The following ZBTB20 variants were observed in gnomAD, a reference collection of about 807,000 sequenced individuals.
The protein encoded by ZBTB20 is zinc finger and BTB domain-containing protein 20.
A neutral mutation model predicts 56.9 loss-of-function variants in ZBTB20; 9 were observed. The observed-to-expected ratio is 0.16, with a 90% CI of 0.10 to 0.28. ZBTB20 has a LOEUF of 0.28. Among genes scored for constraint, ZBTB20 ranks in the 10% least tolerant of loss-of-function variants. ZBTB20 has a pLI of 1.00. For missense variants in ZBTB20, 655 were observed against 1,003.0 expected, an observed-to-expected ratio of 0.65 and a Z score of 4.69; for synonymous variants, 417 against 420.7, an observed-to-expected ratio of 0.99 and a Z score of 0.11.
chr3:114,419,665 T>C (rs1393429365), intron 7 of ZBTB20, among the ~76,000 whole-genome samples: 1 of 152,046 alleles, frequency 6.6e-6, no homozygotes, highest in Non-Finnish European at 1.5e-5. Flanking sequence ...AATCACTAAG[T>C]TTTAGTCTCA....
chr3:114,988,425 A>G (rs923443873), intron 2 of ZBTB20, among the ~76,000 whole-genome samples: 1 of 152,048 alleles, frequency 6.6e-6, no homozygotes, highest in African/African-American at 2.4e-5. Context: ...TACAAAGGAC[A>G]TGAACTCATC....
At chr3:115,047,015 A>T (rs2081357504) in intron 2 of ZBTB20, among the ~76,000 whole-genome samples, 1 of 152,216 alleles carries the variant, frequency 6.6e-6, no homozygotes, top group Non-Finnish European at 1.5e-5. Flanking sequence ...TCCACAGTAC[A>T]GTAATATGTT....
intron 2 of ZBTB20, among the ~76,000 whole-genome samples, chr3:115,060,392 C>G (rs1381051605): frequency 6.6e-6 from 1 of 152,152 alleles, no homozygotes; most frequent in Non-Finnish European, 1.5e-5. Context: ...TCTTTATATG[C>G]AAACCCTATC....
chr3:114,651,069 T>C (rs1166390745), intron 6 of ZBTB20, among the ~76,000 whole-genome samples: 2 of 152,098 alleles, frequency 1.3e-5, no homozygotes, highest in African/African-American at 2.4e-5. Context: ...ATATTCAGTG[T>C]ATCAAAATGT....
At position 114,321,811 on chromosome 3, in the gene ZBTB20, C is replaced by G. The variant is rs1219263668; in HGVS notation, c.*17194G>C. ...ATCTAGTGCAAATATCATCAAATCACAGCATTCCAGAGCAATATCCTGTCC... is the reference window on the plus strand; with the variant it reads ...ATCTAGTGCAAATATCATCAAATCAGAGCATTCCAGAGCAATATCCTGTCC... On this transcript the variant is annotated 3_prime_UTR_variant, in exon 12 of 12. Transcript: ENST00000675478. 1 of 152,268 alleles carries G rather than the reference C, an allele frequency of 6.6e-6. No individual in the cohort carries two copies. Among genetic ancestry groups the G allele is most frequent in the African/African-American group, 2.4e-5 (1 of 41,470 alleles). The allele number at this position is 152,268 out of a possible 1,614,324, so 9.4% of individuals were successfully genotyped here.
At chr3:114,524,585 C>T (rs1372574491) in intron 6 of ZBTB20, among the ~76,000 whole-genome samples, 1 of 152,054 alleles carries the variant, frequency 6.6e-6, no homozygotes, top group Non-Finnish European at 1.5e-5. Flanking sequence ...TGTTTCCTCT[C>T]TCTCACTTTC....
At chr3:114,874,258 C>G (rs2076113706) in intron 4 of ZBTB20, 1 of 152,108 alleles carries the variant, frequency 6.6e-6, no homozygotes, top group African/African-American at 2.4e-5. Flanking sequence ...AATGAATATT[C>G]ACTAAACAAT....
intron 11 of ZBTB20, among the ~76,000 whole-genome samples, chr3:114,342,278 T>C (rs2079838989): frequency 6.6e-6 from 1 of 152,218 alleles, no homozygotes; most frequent in Non-Finnish European, 1.5e-5. Flanking sequence ...ACATTATGCA[T>C]AAAATGGATG....
intron 6 of ZBTB20, among the ~76,000 whole-genome samples, chr3:114,618,009 CAT>C (rs141531976): frequency 4.7e-5 from 7 of 150,486 alleles, no homozygotes; most frequent in East Asian, 1.9e-4. Flanking sequence ...ACATATTTTA[CAT>C]ATATATATAT....
chr3:115,125,733 AT>A lies in ZBTB20; in HGVS notation c.-703+21485del, dbSNP rs142680899. Among the ~76,000 whole-genome samples, 885 of 152,356 alleles carry A rather than the reference AT, an allele frequency of 5.8e-3. 16 individuals carry two copies. The highest frequency in any genetic ancestry group is 0.018 in the African/African-American group (768 of 41,584). On this transcript the variant is annotated intron_variant, in intron 1 of 11. Transcript: ENST00000675478. ...GATTTTAAGTGTTTTCATCACAAAA[AT>A]GTAAGGTAATTGCATGTTAATAAAC... is the stretch of plus-strand genomic sequence containing the variant.
intron 4 of ZBTB20, among the ~76,000 whole-genome samples, chr3:114,806,930 A>G (rs1170419040): frequency 6.6e-6 from 1 of 151,976 alleles, no homozygotes; most frequent in Non-Finnish European, 1.5e-5. Context: ...TTGATCAAAA[A>G]TATGATGAAT....
intron 3 of ZBTB20, among the ~76,000 whole-genome samples, chr3:114,923,205 A>G (rs187014012): frequency 4.6e-5 from 7 of 152,322 alleles, no homozygotes; most frequent in African/African-American, 1.7e-4. Context: ...GATATTTTTT[A>G]CAGAAATAGA....
intron 4 of ZBTB20, among the ~76,000 whole-genome samples, chr3:114,860,387 T>TG (rs2075469523): frequency 6.6e-6 from 1 of 152,124 alleles, no homozygotes. Flanking sequence ...TAGGCCTTCA[T>TG]GGGGGAGATG....
chr3:114,753,395 G>A (rs115195222), intron 5 of ZBTB20, among the ~76,000 whole-genome samples: 27,741 of 39,376 alleles, frequency 0.7, 12,882 homozygotes, highest in East Asian at 0.94. Context: ...ATACATGTAT[G>A]TATATATATA....
At chr3:114,564,154 C>T (rs2110308869) in intron 6 of ZBTB20, among the ~76,000 whole-genome samples, 1 of 152,240 alleles carries the variant, frequency 6.6e-6, no homozygotes, top group Non-Finnish European at 1.5e-5. Flanking sequence ...GCTTCCATCA[C>T]CACATCTCCT....
intron 2 of ZBTB20, among the ~76,000 whole-genome samples, chr3:115,052,170 A>G (rs1042398531): frequency 6.6e-6 from 1 of 152,122 alleles, no homozygotes; most frequent in African/African-American, 2.4e-5. Flanking sequence ...TCTAAAGATA[A>G]AAGTGTGGTT....
At chr3:114,703,462 G>A (rs1236878962) in intron 5 of ZBTB20, among the ~76,000 whole-genome samples, 2 of 151,618 alleles carry the variant, frequency 1.3e-5, no homozygotes, top group Non-Finnish European at 2.9e-5. Context: ...AGATCTGCTA[G>A]GGAAATAGAT....
At chr3:114,954,383 A>G (rs2077176073) in intron 3 of ZBTB20, among the ~76,000 whole-genome samples, 1 of 152,194 alleles carries the variant, frequency 6.6e-6, no homozygotes, top group Non-Finnish European at 1.5e-5. Context: ...AGCTATAAAA[A>G]TATTTAGATT....
intron 10 of ZBTB20, among the ~76,000 whole-genome samples, chr3:114,362,200 T>C (rs1180089941): frequency 6.6e-6 from 1 of 152,204 alleles, no homozygotes; most frequent in African/African-American, 2.4e-5. Flanking sequence ...TTCCTATACA[T>C]GTAGCACCTA....
Sources: gnomAD v4.1 joint callset for allele counts (sites outside exome capture counted in the v4.1 genomes callset) on GRCh38, gnomAD v4.1.1 for gene constraint, MANE v1.5 for transcripts, NCBI Gene and HGNC (gene_info 2026-07-23, HGNC 2026-07-21) for gene names.